PRAMEF6: variants seen among roughly 807,000 people sequenced by gnomAD.
PRAMEF6 encodes the protein PRAME family member 6.
For missense variants in PRAMEF6, 29 were observed against 349.2 expected (o/e 0.08, Z 7.31); for synonymous variants, 8 against 134.4 (o/e 0.06, Z 6.51).
intron 1 of PRAMEF6, among the ~76,000 whole-genome samples, chr1:12,946,093 C>T (rs1463437896): frequency 2.4e-4 from 1 of 4,170 alleles, no homozygotes; most frequent in Admixed American, 2.9e-3. Context: ...TTTTGGCTTT[C>T]TTCCAGATTT....
intron 3 of PRAMEF6, among the ~76,000 whole-genome samples, chr1:12,939,702 G>A (rs1367085776): frequency 2.7e-5 from 3 of 112,828 alleles, no homozygotes; most frequent in South Asian, 3.3e-4. Flanking sequence ...GAGAGACTCC[G>A]CATTAAAAAA....
Position 12,941,798 on chromosome 1 carries a change from G to T in PRAMEF6, c.288-233C>A, listed in dbSNP as rs577296041. The stretch of plus-strand genomic sequence containing the variant: ...TGCAGTGGTGTGATGTCACCTCACT[G>T]CAACCTCTGCTTCCCGGGTTCAAAT... On this transcript the variant is annotated intron_variant, in intron 2 of 3. Transcript: ENST00000376189. 3.1e-4 allele frequency among the ~76,000 whole-genome samples: 34 copies of T among 109,144 alleles called. No individual in the cohort carries two copies. The East Asian group carries it at 4.0e-3, about 13-fold the overall frequency. The allele number at this position is 109,144 out of a possible 152,430, so 71.6% of individuals were successfully genotyped here.
intron 2 of PRAMEF6, among the ~76,000 whole-genome samples, 169 bp from the exon 3 acceptor site, chr1:12,941,734 C>T (rs28504489): frequency 1.0e-4 from 11 of 109,912 alleles, no homozygotes; most frequent in African/African-American, 4.3e-4. Flanking sequence ...TTTTGTTTTT[C>T]TTTTGAGACC....
intron 3 of PRAMEF6, among the ~76,000 whole-genome samples, chr1:12,939,854 AG>A (rs1397103154): frequency 7.3e-5 from 1 of 13,776 alleles, no homozygotes; most frequent in African/African-American, 4.8e-4. Context: ...ACAGGAGCCC[AG>A]TGGAGATTCA....
intron 1 of PRAMEF6, among the ~76,000 whole-genome samples, chr1:12,945,980 C>CAAAAAAAAAAAAAAAAAAAAAAAAAAA (rs75584700): frequency 2.3e-4 from 1 of 4,284 alleles, no homozygotes; most frequent in Non-Finnish European, 3.1e-4. Flanking sequence ...AGGCTAGATT[C>CAAAAAAAAAAAAAAAAAAAAAAAAAAA]AAAAAAAAAA....
At chr1:12,941,802 C>T (rs1332872797) in intron 2 of PRAMEF6, among the ~76,000 whole-genome samples, 1 of 108,328 alleles carries the variant, frequency 9.2e-6, no homozygotes, top group Admixed American at 8.7e-5. Context: ...CTCACTGCAA[C>T]CTCTGCTTCC....
Position 12,939,623 on chromosome 1 carries a change from C to T in PRAMEF6, c.870-387G>A, listed in dbSNP as rs4026543. ...TTGGGAAGCTGAGGCAGAAGAATCG[C>T]TTGAACCCAGGAGGTGTAGGTTGCA... is the stretch of plus-strand genomic sequence containing the variant. On this transcript the variant is annotated intron_variant, in intron 3 of 3. Transcript: ENST00000376189. 1.2e-4 allele frequency among the ~76,000 whole-genome samples: 11 copies of T among 93,830 alleles called. 1 individual carries two copies. Among genetic ancestry groups the T allele is most frequent in the African/African-American group, 4.4e-4 (8 of 18,106 alleles). 61.6% of individuals were successfully genotyped at this position (93,830 alleles called of 152,430 possible).
intron 1 of PRAMEF6, among the ~76,000 whole-genome samples, chr1:12,943,081 T>TTC (rs1309762174): frequency 5.8e-5 from 6 of 103,454 alleles, no homozygotes; most frequent in Middle Eastern, 4.7e-3. Flanking sequence ...CTCTCCCTCT[T>TTC]TCTTTCTTTC....
chr1:12,942,067 C>T (rs1470066324), intron 2 of PRAMEF6, among the ~76,000 whole-genome samples, 165 bp downstream of exon 2: 4 of 15,002 alleles, frequency 2.7e-4, no homozygotes, highest in Admixed American at 5.8e-4. Flanking sequence ...CTCCATGGAC[C>T]TTGCGTGGTG....
intron 1 of PRAMEF6, among the ~76,000 whole-genome samples, chr1:12,945,980 C>CAAAAAAAAG (rs1641755003): frequency 2.3e-4 from 1 of 4,282 alleles, no homozygotes; most frequent in Admixed American, 4.6e-3. Context: ...AGGCTAGATT[C>CAAAAAAAAG]AAAAAAAAAA....
At chr1:12,941,722 T>A (rs1641722249) in intron 2 of PRAMEF6, among the ~76,000 whole-genome samples, 157 bp from the exon 3 acceptor site, 1 of 107,714 alleles carries the variant, frequency 9.3e-6, no homozygotes, top group African/African-American at 4.8e-5. Flanking sequence ...ACTTCCACAT[T>A]TTTTTGTTTT....
chr1:12,939,406 C>T (rs187119505), intron 3 of PRAMEF6, among the ~76,000 whole-genome samples, 170 bp from the exon 4 acceptor site: 1 of 107,110 alleles, frequency 9.3e-6, no homozygotes, highest in East Asian at 2.4e-4. Flanking sequence ...GTTTTGCCAC[C>T]GAGGTCAATT....
intron 2 of PRAMEF6, 133 bp from the exon 3 acceptor site, chr1:12,941,698 C>T: frequency 1.1e-6 from 1 of 933,614 alleles, no homozygotes; most frequent in South Asian, 1.8e-5. Context: ...CTGTTTTCCC[C>T]TTGGATCCTG....
rs751140918 is a variant in PRAMEF6, at chr1:12,941,427, T to C, written c.426A>G (p.Arg142=). 4.3e-6 allele frequency: 6 copies of C among 1,385,652 alleles called. No homozygotes were observed. The South Asian group carries it at 7.5e-5, about 17-fold the overall frequency. 85.8% of individuals were successfully genotyped at this position (1,385,652 alleles called of 1,614,324 possible). A position where few individuals can be genotyped will look rare whatever the true frequency, so the allele number is the denominator to read the frequency against. ...CGAACACAGTCAAGGGCTGCTGTCC[T>C]CTCATCCTTGGACAGTCCTGCACTG... ...KTPVQDCPRM[R]GQQPLTVFVE... Residue 142 remains arginine (R), a synonymous_variant, in exon 3 of 4, where the codon AGA becomes AGG. Transcript: ENST00000376189.
intron 3 of PRAMEF6, among the ~76,000 whole-genome samples, chr1:12,939,629 C>T (rs1208625581): frequency 8.4e-5 from 8 of 95,604 alleles, no homozygotes; most frequent in African/African-American, 4.3e-4. Context: ...ATCGCTTGAA[C>T]CCAGGAGGTG....
intron 1 of PRAMEF6, among the ~76,000 whole-genome samples, chr1:12,945,980 C>CAAAAAGAAAAA (rs1641754978): frequency 2.3e-4 from 1 of 4,282 alleles, no homozygotes; most frequent in Non-Finnish European, 3.1e-4. Flanking sequence ...AGGCTAGATT[C>CAAAAAGAAAAA]AAAAAAAAAA....
chr1:12,939,379 A>G, intron 3 of PRAMEF6, 143 bp from the exon 4 acceptor site: 7 of 1,071,128 alleles, frequency 6.5e-6, no homozygotes, highest in South Asian at 1.6e-5. Context: ...AACACTTAGG[A>G]TGATGTGTGA....
At chr1:12,943,110 TTC>T in intron 1 of PRAMEF6, among the ~76,000 whole-genome samples, 1 of 141,074 alleles carries the variant, frequency 7.1e-6, no homozygotes, top group African/African-American at 2.8e-5. Context: ...TCTGCCTTCT[TTC>T]TTTCTTGTCT....
In PRAMEF6 at chr1:12,941,693, T is replaced by C. The variant is rs4126253; in HGVS notation, c.288-128A>G. ...CTCTCTGACTTTTCTTCACCCTGTT[T>C]TCCCCTTGGATCCTGCCCACTTCCA... is the stretch of plus-strand genomic sequence containing the variant. On this transcript the variant is annotated intron_variant, in intron 2 of 3. Coordinates refer to ENST00000376189, the MANE Select transcript of PRAMEF6 (RefSeq NM_001010889.2). 20 of 878,692 alleles carry C rather than the reference T, an allele frequency of 2.3e-5. 2 individuals are homozygous for C. The highest frequency in any genetic ancestry group is 1.3e-4 in the African/African-American group (4 of 31,832). 54.4% of individuals were successfully genotyped at this position (878,692 alleles called of 1,614,324 possible).
Sources: allele counts gnomAD v4.1 joint callset (sites outside exome capture counted in the v4.1 genomes callset), GRCh38; gene constraint gnomAD v4.1.1; transcripts MANE v1.5; gene names NCBI Gene and HGNC (gene_info 2026-07-23, HGNC 2026-07-21).